The following KANK1 variants were observed in gnomAD, a reference collection of about 807,000 sequenced individuals.
The protein encoded by KANK1 is KN motif and ankyrin repeat domain-containing protein 1.
A neutral mutation model predicts 106.2 loss-of-function variants in KANK1; 109 were observed. The ratio of observed to expected loss-of-function variants is 1.03; its 90% CI spans 0.88 to 1.20. The LOEUF (loss-of-function observed/expected upper bound fraction) is 1.20. Ranked by LOEUF, KANK1 falls within the 50% of genes most tolerant of loss-of-function variation. The pLI is 0.00. For missense variants in KANK1, 2,399 were observed against 1,710.7 expected (o/e 1.40, Z -7.10); for synonymous variants, 873 against 652.2 (o/e 1.34, Z -5.16).
intron 1 of KANK1, among the ~76,000 whole-genome samples, chr9:640,264 CAG>C (rs978907391): frequency 2.6e-5 from 4 of 152,084 alleles, no homozygotes; most frequent in Non-Finnish European, 4.4e-5. Flanking sequence ...ATTTCTGAGA[CAG>C]AGTCTCGCTC....
rs192643761 is a variant in KANK1 at position 640,361 on chromosome 9, G to A, written c.-83-36529G>A. On this transcript the variant is annotated intron_variant, in intron 1 of 11. Coordinates refer to ENST00000382297, the MANE Select transcript of KANK1 (RefSeq NM_015158.5). ...GGCGATTCTCCTGCATCAGCCTCCC[G>A]ATTAGCTGGGATTACAGGTGCATGC... 7.0e-4 allele frequency among the ~76,000 whole-genome samples: 106 copies of A among 151,804 alleles called. 1 individual carries two copies. Among genetic ancestry groups the A allele is most frequent in the African/African-American group, 2.3e-3 (96 of 41,378 alleles).
intron 1 of KANK1, among the ~76,000 whole-genome samples, chr9:581,046 G>A (rs571870158): frequency 1.6e-3 from 240 of 152,182 alleles, no homozygotes; most frequent in Non-Finnish European, 2.4e-3. Flanking sequence ...GGGGCCGGCC[G>A]CTCCAAGTGT....
chr9:490,937 C>CT (rs1195735087), intron 3 of KANK1, among the ~76,000 whole-genome samples: 2 of 147,946 alleles, frequency 1.4e-5, no homozygotes, highest in Non-Finnish European at 3.0e-5. Flanking sequence ...AAAGATGAGA[C>CT]TATGTGAAGG....
chr9:525,764 A>G (rs1458541420), intron 1 of KANK1, among the ~76,000 whole-genome samples: 2 of 151,580 alleles, frequency 1.3e-5, no homozygotes, highest in East Asian at 3.8e-4. Context: ...CCTGTGATAT[A>G]GGAGAATAAG....
intron 1 of KANK1, among the ~76,000 whole-genome samples, chr9:506,527 GGTGTGT>G (rs36217612): frequency 0.26 from 38,541 of 149,596 alleles, 11,124 homozygotes; most frequent in African/African-American, 0.72. Flanking sequence ...GTGAGTTCTG[GGTGTGT>G]GTGTGTGTGT....
chr9:671,573 G>A (rs62530119), intron 1 of KANK1, among the ~76,000 whole-genome samples: 8 of 130,194 alleles, frequency 6.1e-5, no homozygotes, highest in Non-Finnish European at 1.1e-4. Context: ...CCGAGATGGC[G>A]CCACTGTGCT....
intron 1 of KANK1, among the ~76,000 whole-genome samples, chr9:613,186 T>G (rs1830976522): frequency 6.6e-6 from 1 of 151,716 alleles, no homozygotes; most frequent in South Asian, 2.1e-4. Context: ...GGCAAAGAAG[T>G]AATTGTGACC....
chr9:653,599 C>T (rs1372936866), intron 1 of KANK1, among the ~76,000 whole-genome samples: 4 of 152,088 alleles, frequency 2.6e-5, no homozygotes, highest in Admixed American at 2.6e-4. Context: ...AACCACAAAA[C>T]TTTGCATTTG....
intron 3 of KANK1, among the ~76,000 whole-genome samples, chr9:722,192 A>C (rs776234268): frequency 6.6e-5 from 10 of 152,222 alleles, no homozygotes; most frequent in Non-Finnish European, 1.2e-4. Flanking sequence ...CCAAGACTAA[A>C]CTGCCTTTGT....
intron 1 of KANK1, among the ~76,000 whole-genome samples, chr9:653,034 G>T (rs145886501): frequency 6.6e-6 from 1 of 152,292 alleles, no homozygotes; most frequent in Non-Finnish European, 1.5e-5. Flanking sequence ...GGTCCTGTGA[G>T]GCAAGACCTG....
At chr9:588,905 A>C (rs1405416831) in intron 1 of KANK1, among the ~76,000 whole-genome samples, 1 of 152,226 alleles carries the variant, frequency 6.6e-6, no homozygotes, top group Non-Finnish European at 1.5e-5. Flanking sequence ...ATTGTCTTCC[A>C]GAAGTCCCTG....
intron 3 of KANK1, among the ~76,000 whole-genome samples, chr9:717,834 A>G (rs1013281841): frequency 2.8e-4 from 43 of 152,352 alleles, no homozygotes; most frequent in African/African-American, 9.9e-4. Flanking sequence ...CTAAAAATAT[A>G]TAACTGTCTC....
intron 8 of KANK1, among the ~76,000 whole-genome samples, chr9:739,270 T>A (rs1477640978): frequency 6.6e-6 from 1 of 152,208 alleles, no homozygotes; most frequent in Non-Finnish European, 1.5e-5. Flanking sequence ...TATTTTTATT[T>A]CTAGTATGTG....
chr9:687,196 G>A (rs1196962607), intron 2 of KANK1, among the ~76,000 whole-genome samples: 3 of 152,004 alleles, frequency 2.0e-5, no homozygotes, highest in African/African-American at 7.3e-5. Context: ...ATACATCTTT[G>A]CCATTTTCCT....
chr9:521,335 T>C (rs2059541063), intron 1 of KANK1, among the ~76,000 whole-genome samples: 1 of 151,530 alleles, frequency 6.6e-6, no homozygotes, highest in East Asian at 1.9e-4. Flanking sequence ...CTTAGGTAGC[T>C]TCTGTAATTT....
intron 1 of KANK1, among the ~76,000 whole-genome samples, chr9:652,885 T>C (rs1841230662): frequency 6.6e-6 from 1 of 151,824 alleles, no homozygotes; most frequent in Admixed American, 6.5e-5. Context: ...TTGGAAGGGA[T>C]GGGGAAAAAG....
intron 1 of KANK1, among the ~76,000 whole-genome samples, chr9:616,185 C>T (rs143817679): frequency 1.3e-4 from 20 of 152,170 alleles, no homozygotes; most frequent in Admixed American, 2.6e-4. Flanking sequence ...TAGGAACTGG[C>T]TTGGGTTACT....
At chr9:543,007 T>G (rs10815183) in intron 1 of KANK1, among the ~76,000 whole-genome samples, 1 of 151,930 alleles carries the variant, frequency 6.6e-6, no homozygotes, top group African/African-American at 2.4e-5. Context: ...ACTTGGAAAT[T>G]ACTAAGAGAT....
intron 8 of KANK1, among the ~76,000 whole-genome samples, chr9:740,499 C>G (rs1208628831): frequency 6.6e-6 from 1 of 152,234 alleles, no homozygotes; most frequent in Non-Finnish European, 1.5e-5. Context: ...ACCAGTAGAA[C>G]AACCACCCTG....
Sources: allele counts gnomAD v4.1 joint callset (sites outside exome capture counted in the v4.1 genomes callset), GRCh38; gene constraint gnomAD v4.1.1; transcripts MANE v1.5; gene names NCBI Gene and HGNC (gene_info 2026-07-23, HGNC 2026-07-21).